LCLAT1: variants seen among roughly 807,000 people sequenced by gnomAD.
LCLAT1 encodes lysocardiolipin acyltransferase 1.
In LCLAT1, 11 loss-of-function variants were observed where a neutral mutation model predicts 30.7. That is an observed-to-expected ratio of 0.36 (90% CI 0.23 to 0.59). The LOEUF is 0.59. LCLAT1 is among the 20% of genes least tolerant of loss of function. LCLAT1 has a pLI of 0.77. For missense variants in LCLAT1, 402 were observed against 458.6 expected, an observed-to-expected ratio of 0.88 and a Z score of 1.13; for synonymous variants, 155 against 151.3, an observed-to-expected ratio of 1.02 and a Z score of -0.18.
At chr2:30,457,183 GA>G (rs1681877743) in intron 1 of LCLAT1, among the ~76,000 whole-genome samples, 1 of 152,194 alleles carries the variant, frequency 6.6e-6, no homozygotes, top group Non-Finnish European at 1.5e-5. Flanking sequence ...GTACCTGGTA[GA>G]GAAAAATTTA....
intron 5 of LCLAT1, among the ~76,000 whole-genome samples, chr2:30,635,129 G>A (rs1668960667): frequency 6.6e-6 from 1 of 152,134 alleles, no homozygotes; most frequent in South Asian, 2.1e-4. Context: ...GCCAGAAGTG[G>A]TGGCTCACAT....
intron 4 of LCLAT1, among the ~76,000 whole-genome samples, chr2:30,563,084 T>C (rs9309680): frequency 0.75 from 113,200 of 151,426 alleles, 43,020 homozygotes; most frequent in East Asian, 0.87. Flanking sequence ...GAGCCTGTCA[T>C]CTAGGCTGGA....
At chr2:30,536,221 C>A (rs1686234909) in intron 3 of LCLAT1, among the ~76,000 whole-genome samples, 1 of 152,160 alleles carries the variant, frequency 6.6e-6, no homozygotes. Context: ...TTGAAACCTA[C>A]TTAATGAAAT....
chr2:30,468,396 T>C (rs904642204), intron 1 of LCLAT1, among the ~76,000 whole-genome samples: 1 of 152,250 alleles, frequency 6.6e-6, no homozygotes, highest in African/African-American at 2.4e-5. Flanking sequence ...TCCAGCTTTG[T>C]TCTTTTGGCT....
chr2:30,564,615 A>C (rs1038317728), intron 4 of LCLAT1, among the ~76,000 whole-genome samples: 5 of 148,668 alleles, frequency 3.4e-5, no homozygotes, highest in Non-Finnish European at 7.4e-5. Context: ...CTGAAGTTTT[A>C]AACATTTTTT....
In LCLAT1 at chr2:30,640,251, C is replaced by G. The variant is rs1669231261; in HGVS notation, c.763C>G (p.Leu255Val). The G allele has an allele frequency of 1.9e-6, 3 of 1,613,984 alleles. No individual in the cohort carries two copies. The highest frequency in any genetic ancestry group is 2.7e-5 in the African/African-American group (2 of 74,904). The change falls in exon 6 of 6, where the codon CTC becomes GTC. Residue 255 changes from leucine to valine, a missense_variant. By Grantham distance (32) the Leu-to-Val change is conservative. Transcript: ENST00000379509. ...CGTCCACCGGTATCCAATAGACACC[C>G]TCCCCACATCCAAGGAGGACCTTCA... ...FHVHRYPIDTLPTSKEDLQLW... is the reference protein window; with the variant it reads ...FHVHRYPIDTVPTSKEDLQLW...
intron 2 of LCLAT1, 106 bp from the exon 3 acceptor site, chr2:30,533,006 TACTA>T (rs1411830142): frequency 1.7e-5 from 13 of 769,634 alleles, no homozygotes; most frequent in Middle Eastern, 3.4e-4. Context: ...TCATGGGAAA[TACTA>T]ACTTTTACAT....
chr2:30,568,700 G>A (rs576464603), intron 5 of LCLAT1, among the ~76,000 whole-genome samples: 32 of 149,962 alleles, frequency 2.1e-4, no homozygotes, highest in African/African-American at 7.8e-4. Context: ...GTAGAGAGGG[G>A]GTTTCAACAT....
chr2:30,540,046 A>G (rs1388085941), intron 3 of LCLAT1, among the ~76,000 whole-genome samples: 2 of 152,218 alleles, frequency 1.3e-5, no homozygotes, highest in African/African-American at 4.8e-5. Flanking sequence ...GGTACATTGT[A>G]CAAAATCAAA....
chr2:30,451,881 A>G lies in LCLAT1; in HGVS notation c.-5+4498A>G, dbSNP rs148812855. 2.2e-4 allele frequency among the ~76,000 whole-genome samples: 34 copies of G among 152,370 alleles called. No homozygotes were observed. In the East Asian group the frequency reaches 6.0e-3, roughly 27 times the overall value. ...GTAGAATGGATGAGTAAATTGTGAT[A>G]CATTTATAAGACGAAACACTGCAAA... On this transcript the variant is annotated intron_variant, in intron 1 of 5. Transcript: ENST00000379509.
chr2:30,551,468 T>G (rs752655547), intron 3 of LCLAT1, among the ~76,000 whole-genome samples: 17 of 152,048 alleles, frequency 1.1e-4, no homozygotes, highest in Non-Finnish European at 1.8e-4. Context: ...CCTAGATCCC[T>G]TTTTTTTATG....
At chr2:30,629,108 CAA>C (rs1668646366) in intron 5 of LCLAT1, among the ~76,000 whole-genome samples, 1 of 152,130 alleles carries the variant, frequency 6.6e-6, no homozygotes, top group African/African-American at 2.4e-5. Flanking sequence ...AAAATAAACT[CAA>C]GAGTGGCTAT....
At chr2:30,546,379 A>T (rs1225397564) in intron 3 of LCLAT1, among the ~76,000 whole-genome samples, 3 of 152,094 alleles carry the variant, frequency 2.0e-5, no homozygotes, top group Non-Finnish European at 4.4e-5. Context: ...TTACATATGA[A>T]TTTTTCTTTT....
At chr2:30,456,310 CG>C (rs1228113780) in intron 1 of LCLAT1, among the ~76,000 whole-genome samples, 3 of 152,162 alleles carry the variant, frequency 2.0e-5, no homozygotes, top group Admixed American at 6.5e-5. Flanking sequence ...TCTGATACCA[CG>C]CCAGTGGGGA....
chr2:30,562,958 C>G (rs9789517), intron 4 of LCLAT1, among the ~76,000 whole-genome samples: 94,074 of 152,098 alleles, frequency 0.62, 29,473 homozygotes, highest in Non-Finnish European at 0.68. Context: ...GCAGGAATAG[C>G]TTTGCCCTTC....
intron 1 of LCLAT1, among the ~76,000 whole-genome samples, chr2:30,494,907 A>G (rs1319664025): frequency 1.3e-5 from 2 of 149,160 alleles, no homozygotes; most frequent in African/African-American, 4.9e-5. Flanking sequence ...TATTTATCTT[A>G]ATGATTCCAG....
rs145258161 is a variant in LCLAT1, at chr2:30,591,861, T to C, written c.628+23685T>C. ...TGAAAATTGGCTTGGTTATTGCCCT[T>C]CTTAGAAACTTTCTTGCCTCACGCC... On this transcript the variant is annotated intron_variant, in intron 5 of 5. Coordinates refer to ENST00000379509, the MANE Select transcript of LCLAT1 (RefSeq NM_001002257.3). Among the ~76,000 whole-genome samples the C allele has an allele frequency of 2.0e-3, 302 of 152,312 alleles. 2 individuals carry two copies. Among genetic ancestry groups the C allele is most frequent in the African/African-American group, 6.9e-3 (287 of 41,578 alleles).
At chr2:30,622,974 A>G (rs1668335954) in intron 5 of LCLAT1, among the ~76,000 whole-genome samples, 1 of 152,154 alleles carries the variant, frequency 6.6e-6, no homozygotes, top group Admixed American at 6.5e-5. Context: ...AATTGCCTGT[A>G]AAAGAATTCA....
At chr2:30,581,561 T>C (rs954599460) in intron 5 of LCLAT1, among the ~76,000 whole-genome samples, 2 of 151,942 alleles carry the variant, frequency 1.3e-5, no homozygotes, top group Non-Finnish European at 2.9e-5. Context: ...GTATATACAA[T>C]GGCGTTCTAT....
Sources: gnomAD v4.1 joint callset for allele counts (sites outside exome capture counted in the v4.1 genomes callset) on GRCh38, gnomAD v4.1.1 for gene constraint, MANE v1.5 for transcripts, NCBI Gene and HGNC (gene_info 2026-07-23, HGNC 2026-07-21) for gene names.